Variants in SYTL2 observed in about 807,000 individuals in gnomAD.
SYTL2 encodes the protein synaptotagmin like 2, also known as synaptotagmin-like protein 2.
In SYTL2, 165 loss-of-function variants were observed where a neutral mutation model predicts 198.7. That is an observed-to-expected ratio of 0.83 (90% CI 0.73 to 0.94). The LOEUF (loss-of-function observed/expected upper bound fraction) is 0.94, where lower values mean the gene tolerates loss of function less well. Ranked by LOEUF, SYTL2 falls within the 40% of genes least tolerant of loss-of-function variation. The pLI, the probability that SYTL2 is intolerant of heterozygous loss-of-function variation, is 0.00. For synonymous variants in SYTL2, 966 were observed against 917.7 expected (o/e 1.05, Z -0.95); for missense variants, 2,835 against 2,582.8 (o/e 1.10, Z -2.12).
intron 14 of SYTL2, 78 bp downstream of exon 14, chr11:85,709,253 A>G: frequency 7.0e-7 from 1 of 1,425,824 alleles, no homozygotes; most frequent in Non-Finnish European, 9.8e-7. Context: ...CCTCTTGATT[A>G]CTTTATTTCC....
chr11:85,821,206 T>G, the SYTL2 span, among the ~76,000 whole-genome samples: 1 of 152,258 alleles, frequency 6.6e-6, no homozygotes, highest in Non-Finnish European at 1.5e-5. Context: ...GGATGTGTTC[T>G]GCATTCTACA....
the SYTL2 span, among the ~76,000 whole-genome samples, chr11:85,835,753 G>T: frequency 1.3e-5 from 2 of 152,142 alleles, no homozygotes; most frequent in Non-Finnish European, 2.9e-5. Context: ...TTGTATTGGA[G>T]GCTTCAAATG....
At position 85,757,872 on chromosome 11, in the gene SYTL2, C is replaced by T; in HGVS notation, c.-147G>A. On this transcript the variant is annotated 5_prime_UTR_variant, in exon 2 of 20. Transcript: ENST00000359152. ...GCATCAAAGTCTTATTTTGGCTCAG[C>T]AAAAGTTTAGGGCAGCTGATAGCAA... The T allele has an allele frequency of 8.1e-7, 1 of 1,230,340 alleles. No individual in the cohort carries two copies. Among genetic ancestry groups the T allele is most frequent in the East Asian group, 2.5e-5 (1 of 39,668 alleles). 76.2% of individuals were successfully genotyped at this position (1,230,340 alleles called of 1,614,324 possible).
chr11:85,851,567 CAG>C, the SYTL2 span, among the ~76,000 whole-genome samples: 1 of 152,202 alleles, frequency 6.6e-6, no homozygotes, highest in Non-Finnish European at 1.5e-5. Flanking sequence ...GCAAGGCTAA[CAG>C]AAAATCAAGG....
At position 85,717,548 on chromosome 11, in the gene SYTL2, A is replaced by G. The variant is rs188393223; in HGVS notation, c.5483-18T>C. On this transcript the variant is annotated intron_variant, in intron 10 of 19. Coordinates refer to ENST00000359152, the MANE Select transcript of SYTL2 (RefSeq NM_206927.4). ...TTTCTCATCTACTCAGGAGGGCAACATTGAGAATAAATACCATTTTAACAG... is the reference window on the plus strand; with the variant it reads ...TTTCTCATCTACTCAGGAGGGCAACGTTGAGAATAAATACCATTTTAACAG... 6.2e-5 allele frequency: 99 copies of G among 1,604,216 alleles called. No homozygotes were observed. In the African/African-American group the frequency reaches 7.9e-4, roughly 13 times the overall value.
chr11:85,714,937 G>T (rs1164369704), intron 11 of SYTL2: 1 of 156,204 alleles, frequency 6.4e-6, no homozygotes, highest in Non-Finnish European at 1.4e-5. Context: ...CAAGATTTTT[G>T]TACACAACTC....
chr11:85,829,015 G>A, the SYTL2 span, among the ~76,000 whole-genome samples: 1 of 151,586 alleles, frequency 6.6e-6, no homozygotes, highest in Admixed American at 6.6e-5. Flanking sequence ...TAAGAAGACA[G>A]GATACTGGGC....
chr11:85,733,929 ACT>A lies in SYTL2; in HGVS notation c.1390+8_1390+9del. On this transcript the variant is annotated splice_region_variant and intron_variant, in intron 7 of 19. Transcript: ENST00000359152. ...AAGTTTTTATAATCTAGTAGTGACA[ACT>A]CTCTTACCAGCAGGGCTTCTGGGTA... 1.2e-6 allele frequency: 2 copies of A among 1,611,536 alleles called. No homozygotes were observed. The highest frequency in any genetic ancestry group is 1.7e-6 in the Non-Finnish European group (2 of 1,178,508).
At chr11:85,731,403 A>G (rs989677870) in intron 7 of SYTL2, among the ~76,000 whole-genome samples, 1 of 152,226 alleles carries the variant, frequency 6.6e-6, no homozygotes, top group African/African-American at 2.4e-5. Flanking sequence ...CCAATGGGAC[A>G]GAACAGAGGC....
chr11:85,803,053 A>C (rs1475267218), intron 1 of SYTL2, among the ~76,000 whole-genome samples: 1 of 152,150 alleles, frequency 6.6e-6, no homozygotes, highest in Non-Finnish European at 1.5e-5. Context: ...CTGGCTTCTG[A>C]CCTTCCACCT....
intron 1 of SYTL2, among the ~76,000 whole-genome samples, chr11:85,799,540 T>C (rs537053510): frequency 2.0e-5 from 3 of 152,318 alleles, no homozygotes; most frequent in African/African-American, 7.2e-5. Context: ...ATCTCCTTAA[T>C]AACATGTACT....
chr11:85,779,637 GT>G (rs34175263), intron 1 of SYTL2, among the ~76,000 whole-genome samples: 18 of 148,242 alleles, frequency 1.2e-4, no homozygotes, highest in East Asian at 3.9e-4. Context: ...CTCATCAAGT[GT>G]TTTTTTTTTT....
At chr11:85,740,419 C>T (rs1421067545) in intron 4 of SYTL2, among the ~76,000 whole-genome samples, 1 of 152,138 alleles carries the variant, frequency 6.6e-6, no homozygotes, top group African/African-American at 2.4e-5. Context: ...TCTCTCTTGC[C>T]TCAATTATTG....
In SYTL2 at chr11:85,745,618, C is replaced by A. The variant is rs567979964; in HGVS notation, c.389+19G>T. ...ATGAAAGCCACATGCAGCAGCTCTCCCCAGAAGCTTTGCCTTACCTCGGGC... is the reference window on the plus strand; with the variant it reads ...ATGAAAGCCACATGCAGCAGCTCTCACCAGAAGCTTTGCCTTACCTCGGGC... On this transcript the variant is annotated intron_variant, in intron 4 of 19. Coordinates refer to ENST00000359152, the MANE Select transcript of SYTL2 (RefSeq NM_206927.4). 6.2e-7 allele frequency: 1 copy of A among 1,608,636 alleles called. No homozygotes were observed. Among genetic ancestry groups the A allele is most frequent in the Non-Finnish European group, 8.5e-7 (1 of 1,176,238 alleles).
At chr11:85,751,370 C>A (rs1336539489) in intron 2 of SYTL2, among the ~76,000 whole-genome samples, 1 of 152,104 alleles carries the variant, frequency 6.6e-6, no homozygotes, top group Admixed American at 6.5e-5. Context: ...CGTTTTCCAG[C>A]CCACGTTCAT....
At chr11:85,854,727 A>C in the SYTL2 span, 1 of 151,708 alleles carries the variant, frequency 6.6e-6, no homozygotes. Context: ...CGTCCCCCGA[A>C]CTGTGCGGAA....
At chr11:85,722,052 T>C (rs2153456462) in intron 8 of SYTL2, among the ~76,000 whole-genome samples, 1 of 152,264 alleles carries the variant, frequency 6.6e-6, no homozygotes, top group East Asian at 1.9e-4. Flanking sequence ...GCAGTTTGCT[T>C]TAAAATAATA....
chr11:85,749,669 A>G (rs2091393308), intron 2 of SYTL2, among the ~76,000 whole-genome samples: 1 of 152,204 alleles, frequency 6.6e-6, no homozygotes, highest in African/African-American at 2.4e-5. Flanking sequence ...TCATTGCTTC[A>G]TAGTTCTCAG....
chr11:85,757,816 C>G lies in SYTL2; in HGVS notation c.-91G>C. The G allele has an allele frequency of 6.4e-7, 1 of 1,562,100 alleles. No homozygotes were observed. Among genetic ancestry groups the G allele is most frequent in the Middle Eastern group, 1.8e-4 (1 of 5,590 alleles). On this transcript the variant is annotated 5_prime_UTR_variant, in exon 2 of 20. Transcript: ENST00000359152. ...AAGACTGCAACCAGGAAGATTAAAA[C>G]ACACAAAAATGAAATATCTTGTTCA...
Sources: allele counts gnomAD v4.1 joint callset (sites outside exome capture counted in the v4.1 genomes callset), GRCh38; gene constraint gnomAD v4.1.1; transcripts MANE v1.5; gene names NCBI Gene and HGNC (gene_info 2026-07-23, HGNC 2026-07-21).